Variants in RBMS3 observed in about 807,000 individuals in gnomAD.
The protein encoded by RBMS3 is RNA binding motif single stranded interacting protein 3, also known as RNA-binding motif, single-stranded-interacting protein 3.
Under a neutral mutation model 66.8 loss-of-function variants are expected in RBMS3, and 27 were observed. That is an observed-to-expected ratio of 0.40 (90% confidence interval 0.30 to 0.56). The LOEUF (loss-of-function observed/expected upper bound fraction) is 0.56. Ranked by LOEUF, RBMS3 falls within the 20% of genes least tolerant of loss-of-function variation. The pLI is 0.40. For missense variants in RBMS3, 513 were observed against 549.5 expected (o/e 0.93, Z 0.66); for synonymous variants, 188 against 183.0 (o/e 1.03, Z -0.22).
At chr3:29,830,944 C>T (rs1473088154) in intron 6 of RBMS3, among the ~76,000 whole-genome samples, 2 of 152,030 alleles carry the variant, frequency 1.3e-5, no homozygotes, top group Non-Finnish European at 2.9e-5. Context: ...TGTGTCCTTC[C>T]TTAAAGAAGG....
chr3:29,685,340 C>T (rs2051682405), intron 4 of RBMS3, among the ~76,000 whole-genome samples: 2 of 152,206 alleles, frequency 1.3e-5, no homozygotes, highest in South Asian at 2.1e-4. Flanking sequence ...GCATTACAGG[C>T]GCGAGCTGCA....
intron 4 of RBMS3, among the ~76,000 whole-genome samples, chr3:29,700,480 A>G (rs981633002): frequency 3.9e-5 from 6 of 152,186 alleles, no homozygotes; most frequent in Admixed American, 3.9e-4. Flanking sequence ...CAAAGTAATC[A>G]TTATACAAAT....
At chr3:29,869,330 A>T (rs1407380609) in intron 7 of RBMS3, among the ~76,000 whole-genome samples, 2 of 152,102 alleles carry the variant, frequency 1.3e-5, no homozygotes, top group Admixed American at 6.6e-5. Context: ...GGAAAGTTGA[A>T]TGTTTGTGTT....
chr3:29,987,615 G>T (rs1183643786), intron 12 of RBMS3, among the ~76,000 whole-genome samples: 2 of 152,072 alleles, frequency 1.3e-5, no homozygotes, highest in Non-Finnish European at 2.9e-5. Flanking sequence ...TTAAAAAAGT[G>T]ATGCAAAAAT....
chr3:29,460,020 G>T (rs2042321457), intron 2 of RBMS3, among the ~76,000 whole-genome samples: 1 of 152,154 alleles, frequency 6.6e-6, no homozygotes, highest in South Asian at 2.1e-4. Context: ...ATCAACTCTT[G>T]TTGTTTATGA....
chr3:29,500,566 C>T (rs190210940), intron 3 of RBMS3, among the ~76,000 whole-genome samples: 26 of 151,792 alleles, frequency 1.7e-4, no homozygotes, highest in Non-Finnish European at 3.4e-4. Flanking sequence ...TTTACTGTAC[C>T]TTTTCTATGT....
rs754685829 is a variant in RBMS3, at chr3:30,003,846, G to A, written c.1308-10G>A. 3 of 1,427,886 alleles carry A rather than the reference G, an allele frequency of 2.1e-6. No homozygotes were observed. Among genetic ancestry groups the A allele is most frequent in the South Asian group, 1.8e-5 (1 of 56,590 alleles). 88.5% of individuals were successfully genotyped at this position (1,427,886 alleles called of 1,614,324 possible). ...ATTTAATGACCACTCTTATTCAATTGTTTTCACAGACCATAAACAGGACTG... is the reference window on the plus strand; with the variant it reads ...ATTTAATGACCACTCTTATTCAATTATTTTCACAGACCATAAACAGGACTG... On this transcript the variant is annotated splice_polypyrimidine_tract_variant and intron_variant, in intron 14 of 14. Coordinates refer to ENST00000383767, the MANE Select transcript of RBMS3 (RefSeq NM_001003793.3).
In RBMS3 at chr3:29,783,968, A is replaced by T. The variant is rs145886995; in HGVS notation, c.637+20979A>T. Among the ~76,000 whole-genome samples, 284 of 152,270 alleles carry T rather than the reference A, an allele frequency of 1.9e-3. 1 individual carries two copies. The highest frequency in any genetic ancestry group is 6.7e-3 in the African/African-American group (277 of 41,574). On this transcript the variant is annotated intron_variant, in intron 6 of 14. Coordinates refer to ENST00000383767, the MANE Select transcript of RBMS3 (RefSeq NM_001003793.3). ...AGACAAAGAAGGACATTATATAATG[A>T]CAGAAGGACTAGTCCAACAGGAAAA...
chr3:29,895,020 A>G (rs2060092857), intron 8 of RBMS3, among the ~76,000 whole-genome samples: 2 of 151,536 alleles, frequency 1.3e-5, no homozygotes, highest in Non-Finnish European at 3.0e-5. Flanking sequence ...GTATCACAGA[A>G]GTAGGCAATA....
At chr3:29,448,490 CA>C (rs1163995673) in intron 2 of RBMS3, among the ~76,000 whole-genome samples, 1 of 152,184 alleles carries the variant, frequency 6.6e-6, no homozygotes, top group Admixed American at 6.5e-5. Context: ...AACTCTAAAG[CA>C]AAAGGCTAGG....
chr3:29,675,958 A>C (rs2051228917), intron 4 of RBMS3, among the ~76,000 whole-genome samples: 2 of 152,228 alleles, frequency 1.3e-5, no homozygotes, highest in Admixed American at 6.5e-5. Context: ...TCATGCTGCT[A>C]TAAAGACACA....
At chr3:29,502,089 A>G (rs1293951173) in intron 3 of RBMS3, among the ~76,000 whole-genome samples, 1 of 152,120 alleles carries the variant, frequency 6.6e-6, no homozygotes, top group East Asian at 1.9e-4. Flanking sequence ...AAGTATTTAA[A>G]TTAGAATGCC....
chr3:29,301,128 A>G (rs2033642817), intron 1 of RBMS3, among the ~76,000 whole-genome samples: 1 of 151,978 alleles, frequency 6.6e-6, no homozygotes, highest in South Asian at 2.1e-4. Flanking sequence ...AGACAAACAG[A>G]AAACTGAAGC....
At chr3:29,708,848 C>T (rs1444256010) in intron 4 of RBMS3, among the ~76,000 whole-genome samples, 2 of 152,314 alleles carry the variant, frequency 1.3e-5, no homozygotes, top group African/African-American at 2.4e-5. Flanking sequence ...CTTGTTGTCT[C>T]AGCTACTGGG....
chr3:29,643,358 C>T (rs1364672102), intron 4 of RBMS3, among the ~76,000 whole-genome samples: 1 of 152,110 alleles, frequency 6.6e-6, no homozygotes, highest in Non-Finnish European at 1.5e-5. Context: ...TTGGCCTGCA[C>T]GGGCTTCATG....
chr3:29,788,209 T>TTA (rs1306013114), intron 6 of RBMS3, among the ~76,000 whole-genome samples: 31 of 151,792 alleles, frequency 2.0e-4, no homozygotes, highest in Non-Finnish European at 3.8e-4. Flanking sequence ...TTCATTTTTT[T>TTA]TTTTTTTTGG....
chr3:29,849,143 C>T (rs184944014), intron 6 of RBMS3, among the ~76,000 whole-genome samples: 14 of 151,260 alleles, frequency 9.3e-5, no homozygotes, highest in African/African-American at 2.7e-4. Flanking sequence ...CATACAAATA[C>T]ACCACTCCTC....
At chr3:29,850,929 T>C (rs1289606416) in intron 6 of RBMS3, among the ~76,000 whole-genome samples, 2 of 152,200 alleles carry the variant, frequency 1.3e-5, no homozygotes. Context: ...TTCATTGCCA[T>C]TTTTCCAAAG....
chr3:29,837,706 ATG>A (rs1553682898), intron 6 of RBMS3, among the ~76,000 whole-genome samples: 27 of 114,512 alleles, frequency 2.4e-4, no homozygotes, highest in African/African-American at 8.4e-4. Flanking sequence ...ATATATATAT[ATG>A]CTTATTAGCT....
Sources: allele counts gnomAD v4.1 joint callset (sites outside exome capture counted in the v4.1 genomes callset), GRCh38; gene constraint gnomAD v4.1.1; transcripts MANE v1.5; gene names NCBI Gene and HGNC (gene_info 2026-07-23, HGNC 2026-07-21).